The following PIAS2 variants were observed in gnomAD, a reference collection of about 807,000 sequenced individuals.
The protein encoded by PIAS2 is protein inhibitor of activated STAT 2.
PIAS2 carries 19 observed loss-of-function variants against 69.7 expected under a neutral mutation model. The ratio of observed to expected loss-of-function variants is 0.27; its 90% CI spans 0.19 to 0.40. The LOEUF (loss-of-function observed/expected upper bound fraction) is 0.40, where lower values mean the gene tolerates loss of function less well. Among genes scored for constraint, PIAS2 ranks in the 10% least tolerant of loss-of-function variants. The pLI, the probability that PIAS2 is intolerant of heterozygous loss-of-function variation, is 1.00. For missense variants in PIAS2, 624 were observed against 757.0 expected, an observed-to-expected ratio of 0.82 and a Z score of 2.06; for synonymous variants, 261 against 263.2, an observed-to-expected ratio of 0.99 and a Z score of 0.08.
At position 46,810,188 on chromosome 18, in the gene PIAS2, G is replaced by A. The variant is rs202138910; in HGVS notation, c.*2245C>T. ...ACATTAAAACTGTTCACAGAAAATA[G>A]AAAAAAAAACAAAAAAACAAATCAC... On this transcript the variant is annotated 3_prime_UTR_variant, in exon 14 of 14. Coordinates refer to ENST00000585916, the MANE Select transcript of PIAS2 (RefSeq NM_004671.5). 3 of 149,108 alleles carry A rather than the reference G, an allele frequency of 2.0e-5. No homozygotes were observed. Among genetic ancestry groups the A allele is most frequent in the South Asian group, 2.1e-4 (1 of 4,740 alleles). The allele number at this position is 149,108 out of a possible 1,614,324, so 9.2% of individuals were successfully genotyped here.
chr18:46,866,472 A>T (rs1030568001), intron 2 of PIAS2, among the ~76,000 whole-genome samples: 7 of 152,270 alleles, frequency 4.6e-5, no homozygotes, highest in Admixed American at 3.3e-4. Flanking sequence ...AACAGAAGAT[A>T]TAAGAATTTG....
chr18:46,823,974 T>C (rs1309101137), intron 11 of PIAS2, among the ~76,000 whole-genome samples: 1 of 152,206 alleles, frequency 6.6e-6, no homozygotes, highest in African/African-American at 2.4e-5. Flanking sequence ...GATGTAAAAA[T>C]GTGATGCTAT....
chr18:46,917,592 C>T (rs965831397), upstream of PIAS2: 11 of 1,039,144 alleles, frequency 1.1e-5, no homozygotes, highest in African/African-American at 1.4e-4. Flanking sequence ...CGCCTTCCGC[C>T]CGCGCCTTCA....
chr18:46,909,838 G>GT (rs931448655), intron 1 of PIAS2, among the ~76,000 whole-genome samples: 2 of 152,046 alleles, frequency 1.3e-5, no homozygotes, highest in Non-Finnish European at 2.9e-5. Flanking sequence ...AAACTTTACA[G>GT]TTTTTTTCTC....
In PIAS2 at chr18:46,818,294, A is replaced by C. The variant is rs562436442; in HGVS notation, c.1648+2639T>G. 4 of 1,377,830 alleles carry C rather than the reference A, an allele frequency of 2.9e-6. No homozygotes were observed. The Admixed American group carries it at 1.2e-4, about 40-fold the overall frequency. 85.4% of individuals were successfully genotyped at this position (1,377,830 alleles called of 1,614,324 possible). ...CATTCGCACCTGACAATATGGCACT[A>C]GCAATAATAAGGCAGTCATATTTTT... On this transcript the variant is annotated intron_variant, in intron 12 of 13. Coordinates refer to ENST00000585916, the MANE Select transcript of PIAS2 (RefSeq NM_004671.5).
intron 10 of PIAS2, 69 bp from the exon 11 acceptor site, chr18:46,828,199 C>T: frequency 1.5e-6 from 2 of 1,327,798 alleles, no homozygotes; most frequent in Non-Finnish European, 2.0e-6. Context: ...GTGGTAGAGT[C>T]TAGTATATTC....
intron 2 of PIAS2, among the ~76,000 whole-genome samples, chr18:46,870,344 A>G (rs2145699370): frequency 6.6e-6 from 1 of 152,270 alleles, no homozygotes; most frequent in East Asian, 1.9e-4. Flanking sequence ...GACCGGGTGC[A>G]GTGGCTCAAG....
At chr18:46,858,601 G>GTCTTC (rs1448342744) in intron 3 of PIAS2, among the ~76,000 whole-genome samples, 1 of 152,214 alleles carries the variant, frequency 6.6e-6, no homozygotes, top group African/African-American at 2.4e-5. Flanking sequence ...GAAGGCTAAG[G>GTCTTC]TGGGAGGATC....
intron 8 of PIAS2, 133 bp from the exon 9 acceptor site, chr18:46,836,650 T>C (rs1242025796): frequency 1.6e-6 from 1 of 620,390 alleles, no homozygotes; most frequent in African/African-American, 1.8e-5. Context: ...CAAATCAGAA[T>C]GTATTCCCAA....
At chr18:46,853,808 G>A (rs544895766) in intron 5 of PIAS2, 4 of 152,306 alleles carry the variant, frequency 2.6e-5, no homozygotes, top group African/African-American at 7.2e-5. Context: ...TGGGAGGGGA[G>A]TGGGAAAAAA....
intron 9 of PIAS2, among the ~76,000 whole-genome samples, chr18:46,832,463 G>C (rs945842286): frequency 2.0e-5 from 3 of 151,778 alleles, no homozygotes; most frequent in African/African-American, 7.3e-5. Flanking sequence ...GCAAAAGTTT[G>C]GTCACTTCAC....
chr18:46,828,676 A>C (rs183802254), intron 10 of PIAS2, among the ~76,000 whole-genome samples: 29 of 152,346 alleles, frequency 1.9e-4, no homozygotes, highest in African/African-American at 6.5e-4. Flanking sequence ...GTTGAAAAAA[A>C]CCCAAACCTC....
chr18:46,884,615 T>C lies in PIAS2; in HGVS notation c.499+5965A>G, dbSNP rs1467313714. Reference sequence around the variant, plus strand: ...ATGTGAGCCACCGCACCTGGCCTCATGTTTTTTAAAAATTATCTTGCCAGG... The same window carrying C: ...ATGTGAGCCACCGCACCTGGCCTCACGTTTTTTAAAAATTATCTTGCCAGG... On this transcript the variant is annotated intron_variant, in intron 2 of 13. Transcript: ENST00000585916. 2.0e-5 allele frequency among the ~76,000 whole-genome samples: 3 copies of C among 151,636 alleles called. No homozygotes were observed. In the East Asian group the frequency reaches 5.9e-4, roughly 30 times the overall value.
intron 1 of PIAS2, among the ~76,000 whole-genome samples, chr18:46,904,682 T>C (rs9945443): frequency 0.56 from 84,379 of 150,380 alleles, 24,106 homozygotes; most frequent in African/African-American, 0.67. Context: ...ACCCACGAGG[T>C]GGAGGTTGCA....
In PIAS2 at chr18:46,844,153, A is replaced by AT. The variant is rs397732999; in HGVS notation, c.968-27dup. 6.0e-5 allele frequency: 75 copies of AT among 1,246,412 alleles called. 1 individual carries two copies. The highest frequency in any genetic ancestry group is 2.0e-4 in the African/African-American group (13 of 64,738). The allele number at this position is 1,246,412 out of a possible 1,614,324, so 77.2% of individuals were successfully genotyped here. A position where few individuals can be genotyped will look rare whatever the true frequency, so the allele number is the denominator to read the frequency against. ...CTTTAAAAAGAAGAGAAAAAAAAAA[A>AT]TTTAAAAAAATTAAGGGTGACAAAG... On this transcript the variant is annotated intron_variant, in intron 7 of 13. Transcript: ENST00000585916.
In PIAS2 at chr18:46,891,174, C is replaced by T. The variant is rs568147076; in HGVS notation, c.25-120G>A. 123 of 706,828 alleles carry T rather than the reference C, an allele frequency of 1.7e-4. 2 individuals carry two copies. In the South Asian group the frequency reaches 1.9e-3, roughly 11 times the overall value. The allele number at this position is 706,828 out of a possible 1,614,324, so 43.8% of individuals were successfully genotyped here. A position where few individuals can be genotyped will look rare whatever the true frequency, so the allele number is the denominator to read the frequency against. ...TCTATCAATTGGCATGTGCTAGTAACAGCATTTCACATACCACTTAGAATC... is the reference window on the plus strand; with the variant it reads ...TCTATCAATTGGCATGTGCTAGTAATAGCATTTCACATACCACTTAGAATC... On this transcript the variant is annotated intron_variant, in intron 1 of 13. Transcript: ENST00000585916.
intron 1 of PIAS2, chr18:46,914,942 TTTTC>T (rs1189801238): frequency 3.3e-5 from 5 of 152,192 alleles, no homozygotes; most frequent in South Asian, 2.1e-4. Flanking sequence ...TTTCTTCCCC[TTTTC>T]TTTCTTTCTA....
intron 3 of PIAS2, among the ~76,000 whole-genome samples, chr18:46,856,907 C>G (rs1357105816): frequency 6.6e-6 from 1 of 152,204 alleles, no homozygotes. Context: ...TGACAACCAC[C>G]TTAAGTTCTA....
At chr18:46,895,998 C>G (rs981090217) in intron 1 of PIAS2, among the ~76,000 whole-genome samples, 1 of 150,670 alleles carries the variant, frequency 6.6e-6, no homozygotes, top group Non-Finnish European at 1.5e-5. Flanking sequence ...TTAAGAGAAA[C>G]AATAAAAAAA....
Sources: allele counts gnomAD v4.1 joint callset (sites outside exome capture counted in the v4.1 genomes callset), GRCh38; gene constraint gnomAD v4.1.1; transcripts MANE v1.5; gene names NCBI Gene and HGNC (gene_info 2026-07-23, HGNC 2026-07-21).